CAB39: variants seen among roughly 807,000 people sequenced by gnomAD.
CAB39 encodes the protein calcium binding protein 39, also known as calcium-binding protein 39.
A neutral mutation model predicts 40.0 loss-of-function variants in CAB39; 8 were observed. That is an observed-to-expected ratio of 0.20 (90% CI 0.12 to 0.36). The LOEUF is 0.36. Ranked by LOEUF, CAB39 falls within the 10% of genes least tolerant of loss-of-function variation. The pLI is 1.00. For missense variants in CAB39, 270 were observed against 401.1 expected (o/e 0.67, Z 2.79); for synonymous variants, 156 against 141.6 (o/e 1.10, Z -0.72).
intron 2 of CAB39, among the ~76,000 whole-genome samples, chr2:230,790,606 C>G (rs149389099): frequency 6.6e-6 from 1 of 152,248 alleles, no homozygotes; most frequent in East Asian, 1.9e-4. Flanking sequence ...TTGTTTCTGC[C>G]ATAGATAAAC....
chr2:230,773,298 GTATATA>G (rs555144903), intron 2 of CAB39, among the ~76,000 whole-genome samples: 11 of 127,780 alleles, frequency 8.6e-5, no homozygotes, highest in African/African-American at 3.6e-4. Flanking sequence ...GGGTGTATGT[GTATATA>G]TATATATATA....
At chr2:230,726,492 G>T (rs1694574478) in intron 1 of CAB39, among the ~76,000 whole-genome samples, 1 of 151,828 alleles carries the variant, frequency 6.6e-6, no homozygotes, top group South Asian at 2.1e-4. Context: ...GTTTTTATAG[G>T]ATCCTTTTAC....
intron 1 of CAB39, among the ~76,000 whole-genome samples, chr2:230,725,901 C>T (rs1694561553): frequency 6.6e-6 from 1 of 152,152 alleles, no homozygotes; most frequent in Non-Finnish European, 1.5e-5. Context: ...ATCTACAAAT[C>T]ATCAGACTGC....
At chr2:230,752,763 A>G (rs1695113117) in intron 1 of CAB39, among the ~76,000 whole-genome samples, 1 of 152,260 alleles carries the variant, frequency 6.6e-6, no homozygotes, top group Admixed American at 6.5e-5. Context: ...AGATAGATTT[A>G]GAAAACAGAA....
At chr2:230,730,711 T>G (rs2124872897) in intron 1 of CAB39, among the ~76,000 whole-genome samples, 1 of 152,316 alleles carries the variant, frequency 6.6e-6, no homozygotes, top group Admixed American at 6.5e-5. Context: ...CCCAAAGTGC[T>G]GGGATTACAG....
intron 2 of CAB39, among the ~76,000 whole-genome samples, chr2:230,779,672 A>G (rs1416016085): frequency 6.6e-6 from 1 of 152,246 alleles, no homozygotes; most frequent in Non-Finnish European, 1.5e-5. Flanking sequence ...TCATCAGGTC[A>G]TTCCATGTGT....
At chr2:230,808,733 T>C (rs1696249309) in intron 5 of CAB39, among the ~76,000 whole-genome samples, 3 of 152,202 alleles carry the variant, frequency 2.0e-5, no homozygotes, top group Admixed American at 6.5e-5. Flanking sequence ...TCAGGAAATA[T>C]AACACATACC....
At chr2:230,745,962 G>C (rs1183784887) in intron 1 of CAB39, among the ~76,000 whole-genome samples, 1 of 152,052 alleles carries the variant, frequency 6.6e-6, no homozygotes, top group East Asian at 1.9e-4. Flanking sequence ...TTTAAGGATG[G>C]GGCATTCAGG....
chr2:230,742,957 G>T (rs550966712), intron 1 of CAB39, among the ~76,000 whole-genome samples: 1 of 152,172 alleles, frequency 6.6e-6, no homozygotes, highest in Non-Finnish European at 1.5e-5. Context: ...TGCCTTATCA[G>T]AGTCACTCAG....
At position 230,798,850 on chromosome 2, in the gene CAB39, G is replaced by C. The variant is rs372860193; in HGVS notation, c.520G>C (p.Glu174Gln). 1 of 1,607,536 alleles carries C rather than the reference G, an allele frequency of 6.2e-7. No homozygotes were observed. The highest frequency in any genetic ancestry group is 1.3e-5 in the African/African-American group (1 of 74,810). The change falls in exon 5 of 9, where the codon GAA (glutamate) becomes CAA (glutamine). Residue 174 changes from glutamate (E) to glutamine (Q), a missense_variant. By Grantham distance (29) the Glu-to-Gln change is conservative (BLOSUM62 2). Transcript: ENST00000258418. ...EQFYDFFRYV[E>Q]MSTFDIASDA... ...GTTTTATGATTTCTTCAGATATGTC[G>C]AAATGTCAACATTTGACATAGCTTC...
At position 230,790,953 on chromosome 2, in the gene CAB39, G is replaced by A. The variant is rs1324650359; in HGVS notation, c.196G>A (p.Ala66Thr). 1.9e-6 allele frequency: 3 copies of A among 1,612,818 alleles called. No individual in the cohort carries two copies. Among genetic ancestry groups the A allele is most frequent in the Middle Eastern group, 1.6e-4 (1 of 6,084 alleles). Residue 66 changes from alanine to threonine, a missense_variant, in exon 3 of 9, where the codon GCA (alanine) becomes ACA (threonine). Transcript: ENST00000258418. ...GTNEKEPQTE[A>T]VAQLAQELYN... ...AAATGAAAAAGAGCCTCAGACAGAA[G>A]CAGTAGCTCAACTTGCTCAAGAACT... is the stretch of plus-strand genomic sequence containing the variant.
At chr2:230,798,041 G>A (rs779539653) in intron 4 of CAB39, among the ~76,000 whole-genome samples, 2 of 152,130 alleles carry the variant, frequency 1.3e-5, no homozygotes, top group African/African-American at 2.4e-5. Context: ...CTCTTGCTTG[G>A]CTGAGAGGTG....
intron 5 of CAB39, chr2:230,799,181 T>C (rs1029616831): frequency 1.1e-5 from 3 of 269,566 alleles, no homozygotes; most frequent in Admixed American, 1.0e-4. Flanking sequence ...GTACAGCATA[T>C]GTAACAACCA....
intron 1 of CAB39, among the ~76,000 whole-genome samples, chr2:230,718,339 A>G (rs1259837976): frequency 6.6e-6 from 1 of 152,228 alleles, no homozygotes; most frequent in Non-Finnish European, 1.5e-5. Flanking sequence ...CATGCTAGTC[A>G]CTGTTGTCTC....
chr2:230,770,931 C>T (rs1345854048), intron 2 of CAB39, among the ~76,000 whole-genome samples: 4 of 152,128 alleles, frequency 2.6e-5, no homozygotes, highest in Admixed American at 2.6e-4. Context: ...CTACAGCTAG[C>T]ATTATACATA....
intron 7 of CAB39, among the ~76,000 whole-genome samples, chr2:230,814,645 G>C (rs1301009979): frequency 2.6e-5 from 4 of 152,168 alleles, no homozygotes; most frequent in Non-Finnish European, 5.9e-5. Flanking sequence ...GCCTGTGTTT[G>C]TAAGTAAAGT....
chr2:230,761,080 T>C (rs1411975821), intron 2 of CAB39, among the ~76,000 whole-genome samples: 1 of 152,236 alleles, frequency 6.6e-6, no homozygotes. Flanking sequence ...TTTTTTACTT[T>C]GGAATATTTG....
intron 2 of CAB39, among the ~76,000 whole-genome samples, chr2:230,770,392 C>A (rs559681130): frequency 6.6e-6 from 1 of 152,242 alleles, no homozygotes; most frequent in East Asian, 1.9e-4. Context: ...TCCAAAGACA[C>A]AAATTGCCAA....
intron 5 of CAB39, among the ~76,000 whole-genome samples, chr2:230,803,697 G>T (rs1223529897): frequency 1.3e-5 from 2 of 152,170 alleles, no homozygotes; most frequent in Non-Finnish European, 2.9e-5. Context: ...ACTTACAAGG[G>T]ATGTGAAGGA....
Sources: allele counts gnomAD v4.1 joint callset (sites outside exome capture counted in the v4.1 genomes callset), GRCh38; gene constraint gnomAD v4.1.1; transcripts MANE v1.5; gene names NCBI Gene and HGNC (gene_info 2026-07-23, HGNC 2026-07-21).